The following FGGY variants were observed in gnomAD, a reference collection of about 807,000 sequenced individuals.
FGGY encodes the protein FGGY carbohydrate kinase domain containing, also known as FGGY carbohydrate kinase domain-containing protein.
In FGGY, 72 loss-of-function variants were observed where a neutral mutation model predicts 71.3. The ratio of observed to expected loss-of-function variants is 1.01; its 90% CI spans 0.84 to 1.23. The LOEUF is 1.23. FGGY is among the 50% of genes most tolerant of loss of function. FGGY has a pLI of 0.00. For synonymous variants in FGGY, 251 were observed against 250.3 expected, an observed-to-expected ratio of 1.00 and a Z score of -0.02; for missense variants, 668 against 682.3, an observed-to-expected ratio of 0.98 and a Z score of 0.23.
chr1:59,368,692 A>T (rs2056997737), intron 4 of FGGY, among the ~76,000 whole-genome samples: 1 of 152,152 alleles, frequency 6.6e-6, no homozygotes, highest in Non-Finnish European at 1.5e-5. Flanking sequence ...GGACAGAGAG[A>T]TTTTTCTGCA....
chr1:59,725,067 C>T (rs1010627650), intron 14 of FGGY, among the ~76,000 whole-genome samples: 1 of 152,048 alleles, frequency 6.6e-6, no homozygotes, highest in African/African-American at 2.4e-5. Flanking sequence ...TTCCTGTTAT[C>T]TTCTAGATGT....
rs181636064 is a variant in FGGY, at chr1:59,518,389, T to C, written c.799+5950T>C. ...AACATTTATTTATAAGTAGTATATATACTAAATGTAGCATGATGGATAAAG... is the reference window on the plus strand; with the variant it reads ...AACATTTATTTATAAGTAGTATATACACTAAATGTAGCATGATGGATAAAG... On this transcript the variant is annotated intron_variant, in intron 7 of 15. Coordinates refer to ENST00000303721, the MANE Select transcript of FGGY (RefSeq NM_018291.5). Among the ~76,000 whole-genome samples, 90 of 152,342 alleles carry C rather than the reference T, an allele frequency of 5.9e-4. 1 individual carries two copies. The highest frequency in any genetic ancestry group is 1.4e-3 in the South Asian group (7 of 4,830).
intron 14 of FGGY, among the ~76,000 whole-genome samples, chr1:59,732,128 A>G (rs2098039870): frequency 6.6e-6 from 1 of 152,212 alleles, no homozygotes; most frequent in Non-Finnish European, 1.5e-5. Flanking sequence ...TTCCTGGCAC[A>G]GAGTGAGGGT....
intron 14 of FGGY, among the ~76,000 whole-genome samples, chr1:59,753,966 A>T (rs908044668): frequency 4.6e-5 from 7 of 152,198 alleles, no homozygotes; most frequent in African/African-American, 1.7e-4. Context: ...CAGAAATTCA[A>T]ATATCAAAGA....
chr1:59,316,843 C>T (rs147427669), intron 1 of FGGY, among the ~76,000 whole-genome samples: 9 of 152,252 alleles, frequency 5.9e-5, no homozygotes, highest in Non-Finnish European at 7.4e-5. Flanking sequence ...TTCTCTTGGC[C>T]GTCCACAGTC....
intron 14 of FGGY, among the ~76,000 whole-genome samples, chr1:59,722,791 T>TTTTTG (rs891629562): frequency 5.3e-5 from 8 of 152,292 alleles, no homozygotes; most frequent in East Asian, 3.9e-4. Flanking sequence ...CTGATTCTTT[T>TTTTTG]TTTTGTTTTG....
At chr1:59,690,458 A>G (rs1274722542) in intron 14 of FGGY, among the ~76,000 whole-genome samples, 1 of 152,220 alleles carries the variant, frequency 6.6e-6, no homozygotes, top group African/African-American at 2.4e-5. Flanking sequence ...TGGTCTGTTC[A>G]CTGTAAATAC....
At chr1:59,590,821 C>T (rs1180063254) in intron 8 of FGGY, among the ~76,000 whole-genome samples, 4 of 152,154 alleles carry the variant, frequency 2.6e-5, no homozygotes, top group African/African-American at 9.7e-5. Flanking sequence ...GACAAACCCA[C>T]AGCCAATATC....
At chr1:59,422,247 A>G (rs773560549) in intron 5 of FGGY, among the ~76,000 whole-genome samples, 28 of 152,346 alleles carry the variant, frequency 1.8e-4, no homozygotes, top group Admixed American at 9.1e-4. Flanking sequence ...CACGATTCTC[A>G]TGTTCCAATA....
chr1:59,612,275 C>A (rs552947384), intron 9 of FGGY, among the ~76,000 whole-genome samples: 1 of 152,228 alleles, frequency 6.6e-6, no homozygotes, highest in Non-Finnish European at 1.5e-5. Flanking sequence ...AAAAGGAAGC[C>A]CATCAGACTA....
chr1:59,306,184 T>C (rs2043411239), intron 1 of FGGY, among the ~76,000 whole-genome samples: 2 of 152,168 alleles, frequency 1.3e-5, no homozygotes, highest in South Asian at 4.1e-4. Flanking sequence ...TGTCACTACA[T>C]CTTGGCTGGA....
chr1:59,593,568 T>C (rs913408797), intron 8 of FGGY, among the ~76,000 whole-genome samples: 1 of 152,224 alleles, frequency 6.6e-6, no homozygotes. Context: ...AAATCCACTG[T>C]CTTTTCATCA....
chr1:59,694,361 G>C lies in FGGY; in HGVS notation c.1512+20228G>C, dbSNP rs183885578. ...ATACTGAAAGCTCCATGTGATACAA[G>C]TGAGGACCTCCATAGTCAATGTCAA... On this transcript the variant is annotated intron_variant, in intron 14 of 15. Coordinates refer to ENST00000303721, the MANE Select transcript of FGGY (RefSeq NM_018291.5). Among the ~76,000 whole-genome samples, 325 of 151,960 alleles carry C rather than the reference G, an allele frequency of 2.1e-3. 5 individuals are homozygous for C. The South Asian group carries it at 0.023, about 11-fold the overall frequency.
intron 2 of FGGY, among the ~76,000 whole-genome samples, chr1:59,329,115 A>G (rs2047969373): frequency 6.6e-6 from 1 of 152,240 alleles, no homozygotes; most frequent in South Asian, 2.1e-4. Flanking sequence ...CACAATCTGC[A>G]AGATGCGGTA....
chr1:59,403,034 A>G lies in FGGY; in HGVS notation c.554+24197A>G, dbSNP rs1332070240. On this transcript the variant is annotated intron_variant, in intron 5 of 15. Transcript: ENST00000303721. Reference sequence around the variant, plus strand: ...GACTGTCACGTGTGAGTCTAAGCCTATTGTTTTGGGGCTTGCCATGGTCTG... The same window carrying G: ...GACTGTCACGTGTGAGTCTAAGCCTGTTGTTTTGGGGCTTGCCATGGTCTG... 3.3e-5 allele frequency among the ~76,000 whole-genome samples: 5 copies of G among 152,040 alleles called. No individual in the cohort carries two copies. In the East Asian group the frequency reaches 7.8e-4, roughly 24 times the overall value.
chr1:59,432,468 C>T (rs988510408), intron 5 of FGGY, among the ~76,000 whole-genome samples: 1 of 150,934 alleles, frequency 6.6e-6, no homozygotes, highest in Non-Finnish European at 1.5e-5. Context: ...GTGATCTGCC[C>T]TTACTCCAGG....
At chr1:59,626,941 G>A (rs2096862647) in intron 10 of FGGY, 2 of 152,102 alleles carry the variant, frequency 1.3e-5, no homozygotes, top group South Asian at 4.1e-4. Context: ...GGGGTGGAAA[G>A]AATGTGGGAA....
In FGGY at chr1:59,687,843, C is replaced by G. The variant is rs376205769; in HGVS notation, c.1512+13710C>G. Among the ~76,000 whole-genome samples, 11 of 152,244 alleles carry G rather than the reference C, an allele frequency of 7.2e-5. No homozygotes were observed. The East Asian group carries it at 9.7e-4, about 13-fold the overall frequency. On this transcript the variant is annotated intron_variant, in intron 14 of 15. Transcript: ENST00000303721. ...TCTTTGGGCTACCTAGCTAACTTGA[C>G]TGGTAGTCCAGCTACCTGACTGGAC... is the stretch of plus-strand genomic sequence containing the variant.
intron 7 of FGGY, among the ~76,000 whole-genome samples, chr1:59,532,260 G>GA (rs765263448): frequency 6.6e-6 from 1 of 152,128 alleles, no homozygotes; most frequent in African/African-American, 2.4e-5. Context: ...ATTGAAAAGA[G>GA]AATTAGAGAA....
Sources: allele counts gnomAD v4.1 joint callset (sites outside exome capture counted in the v4.1 genomes callset), GRCh38; gene constraint gnomAD v4.1.1; transcripts MANE v1.5; gene names NCBI Gene and HGNC (gene_info 2026-07-23, HGNC 2026-07-21).